Variants in PTPRK observed in about 807,000 individuals in gnomAD.
The protein encoded by PTPRK is protein tyrosine phosphatase receptor type K, also known as receptor-type tyrosine-protein phosphatase kappa.
Under a neutral mutation model 178.0 loss-of-function variants are expected in PTPRK, and 75 were observed. That is an observed-to-expected ratio of 0.42 (90% CI 0.35 to 0.51). The LOEUF (loss-of-function observed/expected upper bound fraction) is 0.51. Among genes scored for constraint, PTPRK ranks in the 20% least tolerant of loss-of-function variants. PTPRK has a pLI of 0.02. For missense variants in PTPRK, 1,441 were observed against 1,797.8 expected (o/e 0.80, Z 3.59); for synonymous variants, 637 against 620.6 (o/e 1.03, Z -0.39).
At chr6:128,418,463 T>C (rs1212473581) in intron 1 of PTPRK, among the ~76,000 whole-genome samples, 1 of 152,214 alleles carries the variant, frequency 6.6e-6, no homozygotes, top group Non-Finnish European at 1.5e-5. Flanking sequence ...CATTAGATTC[T>C]GATAGAAGTG....
chr6:128,085,456 C>T (rs1466487065), intron 8 of PTPRK, among the ~76,000 whole-genome samples: 1 of 152,144 alleles, frequency 6.6e-6, no homozygotes, highest in East Asian at 1.9e-4. Flanking sequence ...ACGTATCTCT[C>T]ATAGAAGGTG....
intron 7 of PTPRK, among the ~76,000 whole-genome samples, chr6:128,093,036 C>A (rs946108737): frequency 1.3e-5 from 2 of 151,952 alleles, no homozygotes; most frequent in African/African-American, 4.8e-5. Flanking sequence ...GATAGTAAAT[C>A]GTATTTATAA....
At chr6:128,442,067 C>T (rs1415266343) in intron 1 of PTPRK, among the ~76,000 whole-genome samples, 1 of 152,164 alleles carries the variant, frequency 6.6e-6, no homozygotes, top group Middle Eastern at 3.2e-3. Context: ...TCAGAAAAGA[C>T]AAGTAAAGAT....
In PTPRK at chr6:128,020,452, T is replaced by C. The variant is rs147990777; in HGVS notation, c.2195-11184A>G. 9.8e-3 allele frequency among the ~76,000 whole-genome samples: 1,497 copies of C among 152,268 alleles called. 25 individuals are homozygous for C. Among genetic ancestry groups the C allele is most frequent in the African/African-American group, 0.033 (1,392 of 41,554 alleles). ...CTTCATGATAATGTCAGTGATATTTTTTTCCCTCCCACAAACTACAGGACC... is the reference window on the plus strand; with the variant it reads ...CTTCATGATAATGTCAGTGATATTTCTTTCCCTCCCACAAACTACAGGACC... On this transcript the variant is annotated intron_variant, in intron 13 of 29. Transcript: ENST00000368226.
intron 7 of PTPRK, among the ~76,000 whole-genome samples, chr6:128,114,979 A>T (rs189918592): frequency 2.7e-4 from 41 of 149,596 alleles, no homozygotes; most frequent in African/African-American, 9.3e-4. Flanking sequence ...TTATTCTGCG[A>T]TTAAAAAAAA....
intron 18 of PTPRK, among the ~76,000 whole-genome samples, chr6:127,994,259 C>G (rs544669961): frequency 4.0e-5 from 6 of 151,558 alleles, no homozygotes; most frequent in South Asian, 4.1e-4. Flanking sequence ...ATGTTGGGTC[C>G]TAGGTTTCAT....
intron 1 of PTPRK, among the ~76,000 whole-genome samples, chr6:128,413,873 A>G (rs1842567656): frequency 1.3e-5 from 2 of 152,092 alleles, no homozygotes; most frequent in African/African-American, 2.4e-5. Flanking sequence ...TTCTTACTCA[A>G]ACCAATGTCT....
intron 13 of PTPRK, among the ~76,000 whole-genome samples, chr6:128,053,640 G>C (rs1779425551): frequency 2.6e-5 from 4 of 152,128 alleles, no homozygotes; most frequent in Admixed American, 2.0e-4. Flanking sequence ...TCTACTCCCT[G>C]CTCAAGCTCT....
At chr6:128,205,058 T>A (rs140352648) in intron 6 of PTPRK, among the ~76,000 whole-genome samples, 1 of 152,190 alleles carries the variant, frequency 6.6e-6, no homozygotes, top group Non-Finnish European at 1.5e-5. Flanking sequence ...GTGGTACATG[T>A]ATACCATGAA....
intron 13 of PTPRK, among the ~76,000 whole-genome samples, chr6:128,011,483 G>A (rs192831791): frequency 2.0e-4 from 30 of 151,084 alleles, no homozygotes; most frequent in Middle Eastern, 3.4e-3. Context: ...TTTATTATGA[G>A]TCGCATATGC....
At position 127,981,232 on chromosome 6, in the gene PTPRK, G is replaced by A. The variant is rs1775305866; in HGVS notation, c.3595C>T (p.Pro1199Ser). ...QAEDCSIACLPRNHDKNRFMD... is the reference protein window; with the variant it reads ...QAEDCSIACLSRNHDKNRFMD... ...AAACGGTTCTTGTCATGGTTCCTTG[G>A]CAGGCACGCTATACTGCAGTCTTCA... Residue 1199 changes from proline (P) to serine (S), a missense_variant, in exon 25 of 30, where the codon CCA (proline) becomes TCA (serine). Pro to Ser is a moderately conservative substitution (Grantham distance 74). Coordinates refer to ENST00000368226, the MANE Select transcript of PTPRK (RefSeq NM_002844.4). 6.2e-7 allele frequency: 1 copy of A among 1,613,738 alleles called. No individual in the cohort carries two copies. Among genetic ancestry groups the A allele is most frequent in the South Asian group, 1.1e-5 (1 of 91,074 alleles).
chr6:128,033,240 T>C (rs995247259), intron 13 of PTPRK, among the ~76,000 whole-genome samples: 5 of 152,194 alleles, frequency 3.3e-5, no homozygotes, highest in Non-Finnish European at 7.3e-5. Flanking sequence ...GAACTAAGCT[T>C]TTAATTTGAC....
intron 1 of PTPRK, among the ~76,000 whole-genome samples, chr6:128,507,475 A>G (rs1358342815): frequency 6.6e-6 from 1 of 152,108 alleles, no homozygotes; most frequent in African/African-American, 2.4e-5. Flanking sequence ...TCCCCTTCAT[A>G]ATGAATGACC....
chr6:128,122,114 T>C (rs2114402543), intron 7 of PTPRK, among the ~76,000 whole-genome samples: 1 of 152,262 alleles, frequency 6.6e-6, no homozygotes, highest in East Asian at 1.9e-4. Context: ...ACCTGACATC[T>C]AGATATTTTT....
chr6:128,468,500 GC>G (rs1425642246), intron 1 of PTPRK, among the ~76,000 whole-genome samples: 1 of 152,004 alleles, frequency 6.6e-6, no homozygotes, highest in African/African-American at 2.4e-5. Context: ...CAAGGAATTT[GC>G]CTCTACTTGG....
intron 2 of PTPRK, among the ~76,000 whole-genome samples, chr6:128,363,708 T>C (rs949633861): frequency 2.6e-5 from 4 of 152,166 alleles, no homozygotes; most frequent in Admixed American, 2.6e-4. Flanking sequence ...CTACTAGGTT[T>C]ACCCCTAATG....
At chr6:127,998,931 T>TA in intron 15 of PTPRK, 27 bp from the exon 16 acceptor site, 5 of 1,493,890 alleles carry the variant, frequency 3.3e-6, no homozygotes, top group South Asian at 1.4e-5. Flanking sequence ...TTCAGAAGAT[T>TA]AAAAAAGAGA....
chr6:128,294,204 G>A (rs1014908418), intron 3 of PTPRK, among the ~76,000 whole-genome samples: 2 of 152,006 alleles, frequency 1.3e-5, no homozygotes, highest in African/African-American at 4.8e-5. Flanking sequence ...TTCTTAAAAA[G>A]AAGAAATCAA....
intron 1 of PTPRK, among the ~76,000 whole-genome samples, chr6:128,449,941 C>CAAAA (rs5879890): frequency 7.8e-6 from 1 of 128,318 alleles, no homozygotes; most frequent in Non-Finnish European, 1.6e-5. Flanking sequence ...ACTAAAAATG[C>CAAAA]AAAAAAAAAA....
Sources: gnomAD v4.1 joint callset for allele counts (sites outside exome capture counted in the v4.1 genomes callset) on GRCh38, gnomAD v4.1.1 for gene constraint, MANE v1.5 for transcripts, NCBI Gene and HGNC (gene_info 2026-07-23, HGNC 2026-07-21) for gene names.